KANSL1: variants seen among roughly 807,000 people sequenced by gnomAD.
The protein encoded by KANSL1 is MLL1/MLL complex subunit KANSL1.
Under a neutral mutation model 103.6 loss-of-function variants are expected in KANSL1, and 22 were observed. The ratio of observed to expected loss-of-function variants is 0.21; its 90% CI spans 0.15 to 0.30. KANSL1 has a LOEUF of 0.30. Ranked by LOEUF, KANSL1 falls within the 10% of genes least tolerant of loss-of-function variation. The probability of loss-of-function intolerance (pLI) is 1.00; values close to 1 mark genes in which losing one functional copy is unlikely to be tolerated. For synonymous variants in KANSL1, 600 were observed against 527.6 expected (o/e 1.14, Z -1.88); for missense variants, 1,337 against 1,399.8 (o/e 0.96, Z 0.72).
chr17:46,036,316 TCTC>T (rs2077147498), intron 10 of KANSL1, among the ~76,000 whole-genome samples: 1 of 152,200 alleles, frequency 6.6e-6, no homozygotes, highest in African/African-American at 2.4e-5. Context: ...AAACACTCGC[TCTC>T]CTCCCTACCT....
At position 46,171,745 on chromosome 17, in the gene KANSL1, A is replaced by G; in HGVS notation, c.399T>C (p.Phe133=). The G allele has an allele frequency of 6.3e-7, 1 of 1,583,254 alleles. No homozygotes were observed. ...ELLGRQPVLE[F]SLENLRTMNT... is the part of the protein sequence containing the mutation. ...TCATGGTTCTAAGATTTTCTAAGGA[A>G]AACTCCAAAACTGGCTGTCTCCCCA... Residue 133 remains phenylalanine (F), a synonymous_variant, in exon 2 of 15, where the codon TTT becomes TTC. Transcript: ENST00000432791.
chr17:46,122,115 TAAAGGTGA>T (rs1318110591), intron 2 of KANSL1, among the ~76,000 whole-genome samples: 2 of 152,188 alleles, frequency 1.3e-5, no homozygotes, highest in Admixed American at 6.5e-5. Flanking sequence ...TCAAGGTTCC[TAAAGGTGA>T]CATACAGGTG....
At chr17:46,038,505 G>C (rs772747352) in intron 10 of KANSL1, 33 bp downstream of exon 10, 14 of 1,609,820 alleles carry the variant, frequency 8.7e-6, no homozygotes, top group South Asian at 6.6e-5. Context: ...ACCTGCAGAG[G>C]GGGTGTCCGG....
chr17:46,074,796 TAAATAAATAA>T (rs1568418885), intron 4 of KANSL1, among the ~76,000 whole-genome samples: 12 of 134,690 alleles, frequency 8.9e-5, no homozygotes, highest in African/African-American at 3.0e-4. Context: ...AATAAATAAA[TAAATAAATAA>T]ATATTGTCAG....
At chr17:46,125,362 T>C (rs1320362929) in intron 2 of KANSL1, among the ~76,000 whole-genome samples, 1 of 152,222 alleles carries the variant, frequency 6.6e-6, no homozygotes, top group African/African-American at 2.4e-5. Context: ...TAAATGTAAC[T>C]TTTATATGCA....
At chr17:46,203,293 ACACTTCC>A (rs1245096038) in intron 1 of KANSL1, among the ~76,000 whole-genome samples, 3 of 152,218 alleles carry the variant, frequency 2.0e-5, no homozygotes, top group Non-Finnish European at 4.4e-5. Flanking sequence ...ACAACTACTC[ACACTTCC>A]CAGAATACCT....
chr17:46,147,569 C>G (rs1358063615), intron 2 of KANSL1, among the ~76,000 whole-genome samples: 1 of 89,752 alleles, frequency 1.1e-5, no homozygotes, highest in Admixed American at 1.4e-4. Flanking sequence ...GAGTGAGACT[C>G]TTTAAAAAAA....
chr17:46,145,030 T>C (rs2044624612), intron 2 of KANSL1, among the ~76,000 whole-genome samples: 1 of 152,226 alleles, frequency 6.6e-6, no homozygotes, highest in South Asian at 2.1e-4. Flanking sequence ...AGCTCCTTAT[T>C]TGGTGGTTAG....
chr17:46,171,629 T>C lies in KANSL1; in HGVS notation c.515A>G (p.Asn172Ser), dbSNP rs942182430. 11 of 1,570,942 alleles carry C rather than the reference T, an allele frequency of 7.0e-6. No individual in the cohort carries two copies. The highest frequency in any genetic ancestry group is 4.5e-5 in the East Asian group (2 of 44,570). Reference protein sequence around the residue: ...TKSSTHSDHDNSTSLNGGKRA... With the variant: ...TKSSTHSDHDSSTSLNGGKRA... ...TTTTCCCCCATTGAGGGAAGTGGAATTGTCATGATCAGAATGTGTTGAACT... is the reference window on the plus strand; with the variant it reads ...TTTTCCCCCATTGAGGGAAGTGGAACTGTCATGATCAGAATGTGTTGAACT... The change falls in exon 2 of 15, where the codon AAT (asparagine) becomes AGT (serine). Residue 172 changes from asparagine (N) to serine (S), a missense_variant. Coordinates refer to ENST00000432791, the MANE Select transcript of KANSL1 (RefSeq NM_015443.4).
chr17:46,056,448 G>A (rs1300911408), intron 6 of KANSL1, among the ~76,000 whole-genome samples: 2 of 147,416 alleles, frequency 1.4e-5, no homozygotes, highest in Admixed American at 6.8e-5. Context: ...TAGCTGTGTG[G>A]CCTTAAGACA....
At chr17:46,164,024 C>T (rs1435484811) in intron 2 of KANSL1, among the ~76,000 whole-genome samples, 1 of 152,240 alleles carries the variant, frequency 6.6e-6, no homozygotes, top group East Asian at 1.9e-4. Flanking sequence ...GTGCCAGGCA[C>T]TGTTCTAAAC....
At chr17:46,150,927 C>CA (rs67160662) in intron 2 of KANSL1, among the ~76,000 whole-genome samples, 15,492 of 133,292 alleles carry the variant, frequency 0.12, 1,046 homozygotes, top group Non-Finnish European at 0.15. Context: ...CCTATTCTGT[C>CA]AAAAAAAAAA....
intron 2 of KANSL1, among the ~76,000 whole-genome samples, chr17:46,167,501 ATT>A (rs1427412277): frequency 1.3e-5 from 2 of 152,240 alleles, no homozygotes; most frequent in Non-Finnish European, 2.9e-5. Flanking sequence ...ATGAAATATC[ATT>A]GTTTAGTGAC....
chr17:46,159,539 A>G (rs1567746760), intron 2 of KANSL1, among the ~76,000 whole-genome samples: 1 of 152,260 alleles, frequency 6.6e-6, no homozygotes, highest in Non-Finnish European at 1.5e-5. Flanking sequence ...ACCAATCAGG[A>G]TAGTCCTCAA....
At chr17:46,139,549 A>C (rs999965866) in intron 2 of KANSL1, among the ~76,000 whole-genome samples, 2 of 152,234 alleles carry the variant, frequency 1.3e-5, no homozygotes, top group Non-Finnish European at 2.9e-5. Context: ...CAGCACGAAG[A>C]AGCAGAGGAA....
intron 2 of KANSL1, among the ~76,000 whole-genome samples, chr17:46,164,639 T>C (rs1196981900): frequency 6.6e-6 from 1 of 152,252 alleles, no homozygotes; most frequent in Non-Finnish European, 1.5e-5. Context: ...AAGCTTTAAG[T>C]CACAAGTCAA....
chr17:46,144,969 G>A (rs1918798), intron 2 of KANSL1, among the ~76,000 whole-genome samples: 21,955 of 152,168 alleles, frequency 0.14, 2,137 homozygotes, highest in Non-Finnish European at 0.22. Flanking sequence ...TTCACCAGGA[G>A]TTGGATATTC....
chr17:46,131,308 G>T (rs8070942), intron 2 of KANSL1, among the ~76,000 whole-genome samples: 34,424 of 151,882 alleles, frequency 0.23, 4,475 homozygotes, highest in African/African-American at 0.32. Context: ...CTAACATGAT[G>T]TCCATCTAAC....
intron 2 of KANSL1, among the ~76,000 whole-genome samples, chr17:46,155,016 A>C (rs750962436): frequency 2.6e-5 from 4 of 152,162 alleles, no homozygotes; most frequent in Non-Finnish European, 5.9e-5. Context: ...CTTACTATAC[A>C]ATTAAAATAT....
Sources: allele counts gnomAD v4.1 joint callset (sites outside exome capture counted in the v4.1 genomes callset), GRCh38; gene constraint gnomAD v4.1.1; transcripts MANE v1.5; gene names NCBI Gene and HGNC (gene_info 2026-07-23, HGNC 2026-07-21).